Variants in UBAP2 observed in about 807,000 individuals in gnomAD.
The protein encoded by UBAP2 is ubiquitin-associated protein 2.
UBAP2 carries 75 observed loss-of-function variants against 139.6 expected under a neutral mutation model. The observed-to-expected ratio is 0.54, with a 90% CI of 0.45 to 0.65. The LOEUF is 0.65. UBAP2 is among the 30% of genes least tolerant of loss of function. UBAP2 has a pLI of 0.00. For synonymous variants in UBAP2, 526 were observed against 526.2 expected (o/e 1.00, Z 0.01); for missense variants, 1,368 against 1,369.6 (o/e 1.00, Z 0.02).
At chr9:33,962,675 A>AATAAATAAATAC (rs1564032667) in intron 9 of UBAP2, among the ~76,000 whole-genome samples, 1 of 148,382 alleles carries the variant, frequency 6.7e-6, no homozygotes, top group African/African-American at 2.5e-5. Context: ...TAAATAAATA[A>AATAAATAAATAC]ATAAATAATT....
At chr9:34,042,006 C>T (rs1204728724) in intron 1 of UBAP2, among the ~76,000 whole-genome samples, 1 of 152,010 alleles carries the variant, frequency 6.6e-6, no homozygotes, top group Non-Finnish European at 1.5e-5. Context: ...GCCTGAGCAA[C>T]AGACTGAGAC....
intron 1 of UBAP2, among the ~76,000 whole-genome samples, chr9:34,040,116 G>A (rs944987026): frequency 3.3e-5 from 5 of 150,680 alleles, no homozygotes; most frequent in Admixed American, 6.6e-5. Context: ...CCAAGATCAC[G>A]CCATTGCACA....
rs374235115 is a variant in UBAP2, at chr9:33,996,343, A to G, written c.178-10T>C. ...CTGTCACTTCCATAAGCTAGTGAAC[A>G]TATCAGAAAATGGTTAGAGGCAAAC... is the stretch of plus-strand genomic sequence containing the variant. On this transcript the variant is annotated splice_polypyrimidine_tract_variant and intron_variant, in intron 3 of 28. Coordinates refer to ENST00000379238, the MANE Select transcript of UBAP2 (RefSeq NM_001370062.2). 7.5e-6 allele frequency: 12 copies of G among 1,599,158 alleles called. No homozygotes were observed. The African/African-American group carries it at 1.3e-4, about 18-fold the overall frequency.
At chr9:33,945,421 A>C (rs562065642) in intron 13 of UBAP2, among the ~76,000 whole-genome samples, 17 of 151,986 alleles carry the variant, frequency 1.1e-4, no homozygotes, top group African/African-American at 4.1e-4. Context: ...TATGACGTGA[A>C]CCCGGGAGGC....
At chr9:33,982,888 T>G (rs549009718) in intron 6 of UBAP2, among the ~76,000 whole-genome samples, 1 of 151,718 alleles carries the variant, frequency 6.6e-6, no homozygotes, top group South Asian at 2.1e-4. Flanking sequence ...TTGTTTTTTT[T>G]TTTTTGTTTT....
Position 33,923,810 on chromosome 9 carries a change from A to G in UBAP2, c.2781T>C (p.Tyr927=). Residue 927 remains tyrosine, a synonymous_variant, in exon 24 of 29, where the codon TAT becomes TAC. Coordinates refer to ENST00000379238, the MANE Select transcript of UBAP2 (RefSeq NM_001370062.2). ...AAATACTCACAAACATGGTGGGGCC[A>G]TACTGGAAGGCACTGGGCATGCCTG... ...YYTGMPSAFQ[Y]GPTMFVPPAS... 2 of 1,614,190 alleles carry G rather than the reference A, an allele frequency of 1.2e-6. No individual in the cohort carries two copies. Among genetic ancestry groups the G allele is most frequent in the Non-Finnish European group, 1.7e-6 (2 of 1,180,016 alleles).
chr9:33,960,782 A>G, intron 10 of UBAP2, 44 bp downstream of exon 10: 1 of 1,055,758 alleles, frequency 9.5e-7, no homozygotes, highest in Non-Finnish European at 1.3e-6. Flanking sequence ...TTCCATTTCA[A>G]AAAAAAAAAA....
intron 4 of UBAP2, among the ~76,000 whole-genome samples, chr9:33,989,497 G>A (rs533192118): frequency 1.1e-4 from 16 of 152,260 alleles, no homozygotes; most frequent in African/African-American, 3.4e-4. Context: ...CACCGCGCCC[G>A]GCACATGCAC....
intron 2 of UBAP2, among the ~76,000 whole-genome samples, chr9:34,012,883 G>T (rs1823883637): frequency 6.6e-6 from 1 of 151,404 alleles, no homozygotes; most frequent in African/African-American, 2.4e-5. Context: ...AGGCCCAGGG[G>T]CTCACACCTA....
chr9:33,962,380 G>A (rs992930476), intron 9 of UBAP2, among the ~76,000 whole-genome samples: 5 of 152,154 alleles, frequency 3.3e-5, no homozygotes, highest in African/African-American at 7.2e-5. Flanking sequence ...GGGCATGGTG[G>A]CTCATGCCTG....
Position 33,976,962 on chromosome 9 carries a change from A to T in UBAP2, c.521-3725T>A, listed in dbSNP as rs113312647. ...GGGAGGCAGCAGTCGCAGTGAGCCG[A>T]GATGGCGCCACTGCACTCCAGCCTG... is the stretch of plus-strand genomic sequence containing the variant. On this transcript the variant is annotated intron_variant, in intron 6 of 28. Coordinates refer to ENST00000379238, the MANE Select transcript of UBAP2 (RefSeq NM_001370062.2). 2.8e-3 allele frequency among the ~76,000 whole-genome samples: 414 copies of T among 147,782 alleles called. 2 individuals are homozygous for T. The highest frequency in any genetic ancestry group is 4.7e-3 in the Non-Finnish European group (313 of 66,814).
chr9:33,924,169 G>T (rs372170470), intron 23 of UBAP2, 37 bp downstream of exon 23: 1 of 1,610,172 alleles, frequency 6.2e-7, no homozygotes, highest in South Asian at 1.1e-5. Flanking sequence ...GCGCTAGGCC[G>T]GCCCCGGGCT....
chr9:34,030,579 C>T (rs775131143), intron 1 of UBAP2, among the ~76,000 whole-genome samples: 27 of 152,054 alleles, frequency 1.8e-4, no homozygotes, highest in African/African-American at 5.8e-4. Context: ...GCCGTGATCA[C>T]GCCAGTGCAC....
At chr9:33,984,122 T>A (rs1820999769) in intron 6 of UBAP2, among the ~76,000 whole-genome samples, 1 of 151,926 alleles carries the variant, frequency 6.6e-6, no homozygotes, top group South Asian at 2.1e-4. Context: ...CAGGGTGGTC[T>A]CGAACTACTA....
At chr9:34,043,697 T>C (rs980980217) in intron 1 of UBAP2, among the ~76,000 whole-genome samples, 3 of 152,020 alleles carry the variant, frequency 2.0e-5, no homozygotes, top group African/African-American at 7.2e-5. Context: ...GGTCTCACTA[T>C]ATTGCCCACG....
intron 19 of UBAP2, among the ~76,000 whole-genome samples, chr9:33,930,895 CAAA>C (rs57202118): frequency 2.7e-5 from 2 of 73,252 alleles, no homozygotes; most frequent in African/African-American, 7.0e-5. Context: ...GACTGCATCT[CAAA>C]AAAAAAAAAA....
intron 1 of UBAP2, among the ~76,000 whole-genome samples, chr9:34,020,106 G>C (rs915384669): frequency 2.0e-5 from 3 of 146,776 alleles, no homozygotes. Context: ...GTTGCAGTGA[G>C]CCCACTGCAC....
intron 16 of UBAP2, 53 bp from the exon 17 acceptor site, chr9:33,935,931 C>A: frequency 6.4e-7 from 1 of 1,555,748 alleles, no homozygotes; most frequent in Admixed American, 1.9e-5. Flanking sequence ...AAATCATTAC[C>A]TGAGTGGCTT....
chr9:33,975,776 T>C (rs1828287153), intron 6 of UBAP2, among the ~76,000 whole-genome samples: 2 of 144,180 alleles, frequency 1.4e-5, no homozygotes, highest in Non-Finnish European at 3.0e-5. Context: ...CACTCCAGCC[T>C]GGACAACTGA....
Sources: gnomAD v4.1 joint callset for allele counts (sites outside exome capture counted in the v4.1 genomes callset) on GRCh38, gnomAD v4.1.1 for gene constraint, MANE v1.5 for transcripts, NCBI Gene and HGNC (gene_info 2026-07-23, HGNC 2026-07-21) for gene names.